Variants in DPF3 observed in about 807,000 individuals in gnomAD.
DPF3 encodes the protein zinc finger protein DPF3.
DPF3 carries 18 observed loss-of-function variants against 56.8 expected under a neutral mutation model. The observed-to-expected ratio is 0.32, with a 90% CI of 0.22 to 0.47. DPF3 has a LOEUF of 0.47. Among genes scored for constraint, DPF3 ranks in the 20% least tolerant of loss-of-function variants. DPF3 has a pLI of 1.00. For synonymous variants in DPF3, 188 were observed against 180.2 expected, an observed-to-expected ratio of 1.04 and a Z score of -0.35; for missense variants, 403 against 488.8, an observed-to-expected ratio of 0.82 and a Z score of 1.65.
At chr14:72,634,348 C>T (rs1417541363) in intron 8 of DPF3, among the ~76,000 whole-genome samples, 1 of 152,156 alleles carries the variant, frequency 6.6e-6, no homozygotes, top group Non-Finnish European at 1.5e-5. Context: ...GACAAAACTG[C>T]AAGAATGAGA....
At chr14:72,752,377 C>G (rs989892095) in intron 3 of DPF3, among the ~76,000 whole-genome samples, 1 of 152,190 alleles carries the variant, frequency 6.6e-6, no homozygotes, top group African/African-American at 2.4e-5. Context: ...ATTAGATCAG[C>G]ATAGGCCAGG....
chr14:72,753,402 G>C, intron 2 of DPF3, 31 bp from the exon 3 acceptor site: 1 of 1,560,280 alleles, frequency 6.4e-7, no homozygotes, highest in Non-Finnish European at 8.7e-7. Context: ...AAGATTAAAG[G>C]CTCCAGGCTG....
intron 9 of DPF3, among the ~76,000 whole-genome samples, chr14:72,628,411 AG>A (rs1884962278): frequency 6.6e-6 from 1 of 152,136 alleles, no homozygotes; most frequent in Non-Finnish European, 1.5e-5. Flanking sequence ...CTACACCTGA[AG>A]GTAACCAAAT....
intron 1 of DPF3, among the ~76,000 whole-genome samples, chr14:72,815,836 C>G (rs1397220158): frequency 1.3e-5 from 2 of 152,172 alleles, no homozygotes; most frequent in African/African-American, 4.8e-5. Flanking sequence ...CTCCTAGAAG[C>G]CACCTGCATT....
intron 9 of DPF3, among the ~76,000 whole-genome samples, chr14:72,621,651 G>T (rs1259955706): frequency 6.6e-6 from 1 of 152,186 alleles, no homozygotes; most frequent in Non-Finnish European, 1.5e-5. Context: ...ATACCCAGTG[G>T]GGGAGAGGTT....
At chr14:72,797,760 C>T (rs1892699330) in intron 1 of DPF3, among the ~76,000 whole-genome samples, 1 of 152,148 alleles carries the variant, frequency 6.6e-6, no homozygotes, top group Non-Finnish European at 1.5e-5. Flanking sequence ...ATGTGGTGAT[C>T]GAAAACTAGA....
chr14:72,661,586 G>A (rs1363770416), intron 8 of DPF3: 5 of 985,366 alleles, frequency 5.1e-6, no homozygotes, highest in East Asian at 1.1e-4. Context: ...CAGACACAGC[G>A]CCGAGATACA....
chr14:72,853,816 G>A (rs1157469755), intron 1 of DPF3, among the ~76,000 whole-genome samples: 3 of 152,012 alleles, frequency 2.0e-5, no homozygotes, highest in Non-Finnish European at 4.4e-5. Flanking sequence ...CTGCAGTACT[G>A]CCAACCCTCA....
Position 72,892,575 on chromosome 14 carries a change from T to C in DPF3, c.32+1482A>G, listed in dbSNP as rs1023995607. On this transcript the variant is annotated intron_variant, in intron 1 of 10. Transcript: ENST00000556509. The stretch of plus-strand genomic sequence containing the variant: ...GATTCTCCCTGTGCATTCCTTTGCG[T>C]TAGGAACCCCCTACCGTCCCCGGGA... The C allele has an allele frequency of 8.9e-5, 116 of 1,301,660 alleles. 1 individual carries two copies. The highest frequency in any genetic ancestry group is 1.5e-4 in the Admixed American group (4 of 26,954). The allele number at this position is 1,301,660 out of a possible 1,614,324, so 80.6% of individuals were successfully genotyped here.
rs542243452 is a variant in DPF3 at position 72,609,484 on chromosome 14, G to C, written c.*9813C>G. On this transcript the variant is annotated 3_prime_UTR_variant, in exon 11 of 11. Coordinates refer to ENST00000556509, the MANE Select transcript of DPF3 (RefSeq NM_001280542.3). ...AGAACCATCATGTCCCCTTAGGATG[G>C]CAGAAGATGTGGCACAGCCTCAATC... Among the ~76,000 whole-genome samples the C allele has an allele frequency of 5.3e-5, 8 of 152,300 alleles. No individual in the cohort carries two copies. The South Asian group carries it at 1.7e-3, about 32-fold the overall frequency.
intron 8 of DPF3, among the ~76,000 whole-genome samples, chr14:72,660,115 A>G (rs908892898): frequency 1.3e-5 from 2 of 152,118 alleles, no homozygotes; most frequent in African/African-American, 4.8e-5. Flanking sequence ...AATCCTAGAG[A>G]TGGATGGTGA....
intron 3 of DPF3, among the ~76,000 whole-genome samples, chr14:72,738,198 C>G (rs1423145456): frequency 6.6e-6 from 1 of 152,014 alleles, no homozygotes; most frequent in Admixed American, 6.5e-5. Context: ...CCCAGGGATC[C>G]ATCTGCTCAT....
intron 1 of DPF3, among the ~76,000 whole-genome samples, chr14:72,851,994 T>C (rs1885003251): frequency 6.6e-6 from 1 of 152,232 alleles, no homozygotes; most frequent in African/African-American, 2.4e-5. Flanking sequence ...CAAAAGACGC[T>C]TTCAAGAAGA....
chr14:72,795,295 A>AATATATATAT (rs71109748), intron 1 of DPF3, among the ~76,000 whole-genome samples: 8 of 102,926 alleles, frequency 7.8e-5, no homozygotes, highest in Non-Finnish European at 1.3e-4. Flanking sequence ...AAAAAAAAAA[A>AATATATATAT]ATATATATAT....
chr14:72,792,481 T>A (rs1892478310), intron 1 of DPF3, among the ~76,000 whole-genome samples: 1 of 151,686 alleles, frequency 6.6e-6, no homozygotes, highest in Non-Finnish European at 1.5e-5. Flanking sequence ...TGGGAGCGAT[T>A]CTTGGAGGCA....
At chr14:72,715,119 T>A (rs1203070102) in intron 5 of DPF3, among the ~76,000 whole-genome samples, 1 of 152,122 alleles carries the variant, frequency 6.6e-6, no homozygotes, top group East Asian at 1.9e-4. Flanking sequence ...GCCTACTCAG[T>A]AGGGGTGGGC....
chr14:72,729,775 G>A (rs1359727252), intron 4 of DPF3, among the ~76,000 whole-genome samples: 1 of 152,186 alleles, frequency 6.6e-6, no homozygotes, highest in Admixed American at 6.5e-5. Flanking sequence ...TAGGACGGAG[G>A]GAGGGATGAA....
intron 1 of DPF3, among the ~76,000 whole-genome samples, chr14:72,879,121 T>C (rs149237106): frequency 0.019 from 2,917 of 152,296 alleles, 39 homozygotes; most frequent in Non-Finnish European, 0.028. Flanking sequence ...TGGTGGCTCA[T>C]GCCTGTAATC....
chr14:72,669,968 C>G, intron 8 of DPF3: 2 of 985,998 alleles, frequency 2.0e-6, no homozygotes, highest in Non-Finnish European at 2.4e-6. Context: ...ACTAGGACCT[C>G]GCAGCCGGTC....
Sources: gnomAD v4.1 joint callset for allele counts (sites outside exome capture counted in the v4.1 genomes callset) on GRCh38, gnomAD v4.1.1 for gene constraint, MANE v1.5 for transcripts, NCBI Gene and HGNC (gene_info 2026-07-23, HGNC 2026-07-21) for gene names.